The following COG6 variants were observed in gnomAD, a reference collection of about 807,000 sequenced individuals.
COG6 encodes the protein component of oligomeric golgi complex 6.
COG6 carries 74 observed loss-of-function variants against 88.8 expected under a neutral mutation model. That is an observed-to-expected ratio of 0.83 (90% confidence interval 0.69 to 1.01). The LOEUF is 1.01. Among genes scored for constraint, COG6 ranks in the 50% least tolerant of loss-of-function variants. The pLI is 0.00. For missense variants in COG6, 800 were observed against 797.9 expected (o/e 1.00, Z -0.03); for synonymous variants, 286 against 278.7 (o/e 1.03, Z -0.26).
intron 10 of COG6, 118 bp downstream of exon 10, chr13:39,687,917 A>G (rs1034564424): frequency 2.7e-6 from 2 of 734,466 alleles, no homozygotes; most frequent in Non-Finnish European, 4.8e-6. Context: ...TACAATAAGC[A>G]TCCTGATTAC....
At chr13:39,718,900 T>C (rs527691142) in intron 13 of COG6, among the ~76,000 whole-genome samples, 1 of 152,234 alleles carries the variant, frequency 6.6e-6, no homozygotes, top group Non-Finnish European at 1.5e-5. Context: ...AGACTGCTTT[T>C]TTCTTATGAT....
chr13:39,743,202 G>A (rs1292619567), intron 18 of COG6, among the ~76,000 whole-genome samples: 1 of 152,110 alleles, frequency 6.6e-6, no homozygotes, highest in Non-Finnish European at 1.5e-5. Flanking sequence ...AACTAGAGAA[G>A]CAAGAGCAAA....
chr13:39,728,983 A>G (rs1455648552), intron 18 of COG6, among the ~76,000 whole-genome samples: 1 of 152,142 alleles, frequency 6.6e-6, no homozygotes, highest in African/African-American at 2.4e-5. Flanking sequence ...TTAAATTATT[A>G]AATTTTTAAC....
chr13:39,766,144 T>G (rs891470615), intron 18 of COG6, among the ~76,000 whole-genome samples: 1 of 152,198 alleles, frequency 6.6e-6, no homozygotes, highest in Non-Finnish European at 1.5e-5. Flanking sequence ...TGCCCCTCCA[T>G]CTGCCTGTCA....
At position 39,679,934 on chromosome 13, in the gene COG6, G is replaced by A. The variant is rs375498901; in HGVS notation, c.624-41G>A. ...AATAATTAGGTGCTTAGATGTATCT[G>A]TTGACTAAAGTTTAAATTATAATCA... On this transcript the variant is annotated intron_variant, in intron 6 of 18. Coordinates refer to ENST00000455146, the MANE Select transcript of COG6 (RefSeq NM_020751.3). 3.7e-6 allele frequency: 4 copies of A among 1,073,064 alleles called. No homozygotes were observed. The African/African-American group carries it at 4.8e-5, about 13-fold the overall frequency. The allele number at this position is 1,073,064 out of a possible 1,614,324, so 66.5% of individuals were successfully genotyped here. A position where few individuals can be genotyped will look rare whatever the true frequency, so the allele number is the denominator to read the frequency against.
At chr13:39,776,307 G>T (rs1452648786) in intron 18 of COG6, among the ~76,000 whole-genome samples, 1 of 152,142 alleles carries the variant, frequency 6.6e-6, no homozygotes, top group Non-Finnish European at 1.5e-5. Flanking sequence ...TTATTTTAAG[G>T]AAGTTTATTC....
chr13:39,719,006 G>A lies in COG6; in HGVS notation c.1285-230G>A, dbSNP rs138737978. Among the ~76,000 whole-genome samples, 246 of 152,058 alleles carry A rather than the reference G, an allele frequency of 1.6e-3. 2 individuals are homozygous for A. The East Asian group carries it at 0.034, about 21-fold the overall frequency. Reference sequence around the variant, plus strand: ...CACTAACTTTTCAAATTAATTTTTTGAATTTTAGAGTACAAGGTGACATAT... The same window carrying A: ...CACTAACTTTTCAAATTAATTTTTTAAATTTTAGAGTACAAGGTGACATAT... On this transcript the variant is annotated intron_variant, in intron 13 of 18. Transcript: ENST00000455146.
chr13:39,668,659 G>C (rs1315607588), intron 4 of COG6, among the ~76,000 whole-genome samples: 1 of 151,904 alleles, frequency 6.6e-6, no homozygotes, highest in Non-Finnish European at 1.5e-5. Context: ...GTGGTGGCGG[G>C]CACCTGTAGT....
Position 39,788,333 on chromosome 13 carries a change from A to G in COG6, c.1827-2A>G. On this transcript the variant is annotated splice_acceptor_variant, in intron 18 of 18. Transcript: ENST00000416691. LOFTEE classifies it high-confidence loss of function. ...TCTTTGATTGTTGGCATTTGCTCAC[A>G]GGCGTCCACCCAACGGCCCATGATC... is the stretch of plus-strand genomic sequence containing the variant. 1.3e-6 allele frequency: 2 copies of G among 1,551,844 alleles called. No individual in the cohort carries two copies. Among genetic ancestry groups the G allele is most frequent in the Non-Finnish European group, 1.7e-6 (2 of 1,146,822 alleles).
At chr13:39,679,901 G>T in intron 6 of COG6, 74 bp from the exon 7 acceptor site, 1 of 811,622 alleles carries the variant, frequency 1.2e-6, no homozygotes, top group Non-Finnish European at 2.1e-6. Context: ...TATGTAATAT[G>T]CAAACAAAAT....
chr13:39,694,112 A>T (rs1877125750), intron 11 of COG6, among the ~76,000 whole-genome samples: 2 of 151,906 alleles, frequency 1.3e-5, no homozygotes, highest in South Asian at 2.1e-4. Flanking sequence ...ACTAGATCTG[A>T]TTTTTCCCTG....
intron 13 of COG6, 72 bp from the exon 14 acceptor site, chr13:39,719,164 A>G (rs1298934344): frequency 4.8e-6 from 7 of 1,455,348 alleles, no homozygotes; most frequent in Middle Eastern, 1.8e-4. Flanking sequence ...TTTTTTTACT[A>G]TGAACTTACA....
chr13:39,767,997 G>T (rs936403274), intron 18 of COG6, among the ~76,000 whole-genome samples: 4 of 152,266 alleles, frequency 2.6e-5, no homozygotes, highest in African/African-American at 7.2e-5. Context: ...CAAGCCGGGG[G>T]TTTCCACATG....
chr13:39,728,582 GAT>G (rs1035988832), intron 18 of COG6, among the ~76,000 whole-genome samples: 8 of 151,226 alleles, frequency 5.3e-5, no homozygotes, highest in African/African-American at 1.9e-4. Flanking sequence ...TATTCTAAAA[GAT>G]ATTATACTAT....
At chr13:39,743,445 A>G (rs1269747714) in intron 18 of COG6, among the ~76,000 whole-genome samples, 1 of 152,230 alleles carries the variant, frequency 6.6e-6, no homozygotes, top group African/African-American at 2.4e-5. Flanking sequence ...CCACAGACAT[A>G]CAAACTACCA....
At chr13:39,682,130 A>G (rs1458281789) in intron 7 of COG6, 41 bp from the exon 8 acceptor site, 6 of 1,375,776 alleles carry the variant, frequency 4.4e-6, no homozygotes. Context: ...TAAACATCTA[A>G]GCTGAATTTA....
chr13:39,704,106 G>A (rs1442895477), intron 13 of COG6, among the ~76,000 whole-genome samples: 4 of 152,020 alleles, frequency 2.6e-5, no homozygotes, highest in African/African-American at 9.7e-5. Flanking sequence ...TGAAAACTTA[G>A]TATCTTATTC....
At chr13:39,755,059 G>A (rs1880788714), downstream of COG6, among the ~76,000 whole-genome samples, 1 of 152,020 alleles carries the variant, frequency 6.6e-6, no homozygotes, top group African/African-American at 2.4e-5. Context: ...GGTGGATTAA[G>A]GAACTTAAAA....
chr13:39,743,646 A>G (rs1469891785), intron 18 of COG6, among the ~76,000 whole-genome samples: 2 of 152,160 alleles, frequency 1.3e-5, no homozygotes, highest in Non-Finnish European at 2.9e-5. Context: ...CCAGGACCAG[A>G]TGGATTCACA....
Sources: gnomAD v4.1 joint callset for allele counts (sites outside exome capture counted in the v4.1 genomes callset) on GRCh38, gnomAD v4.1.1 for gene constraint, MANE v1.5 for transcripts, NCBI Gene and HGNC (gene_info 2026-07-23, HGNC 2026-07-21) for gene names.